The following MAST1 variants were observed in gnomAD, a reference collection of about 807,000 sequenced individuals.
MAST1 encodes microtubule associated serine/threonine kinase 1.
Under a neutral mutation model 124.6 loss-of-function variants are expected in MAST1, and 40 were observed. The observed-to-expected ratio is 0.32, with a 90% CI of 0.25 to 0.42. MAST1 has a LOEUF of 0.42. Ranked by LOEUF, MAST1 falls within the 10% of genes least tolerant of loss-of-function variation. MAST1 has a pLI of 1.00. For missense variants in MAST1, 1,558 were observed against 2,181.9 expected, an observed-to-expected ratio of 0.71 and a Z score of 5.70; for synonymous variants, 938 against 939.4, an observed-to-expected ratio of 1.00 and a Z score of 0.03.
In MAST1 at chr19:12,874,245, C is replaced by T; in HGVS notation, c.4088C>T (p.Pro1363Leu). The change falls in exon 26 of 26, where the codon CCG becomes CTG. Residue 1363 changes from proline to leucine, a missense_variant. Physicochemically the swap from Pro to Leu is moderately conservative, Grantham distance 98. This residue lies in a region of MAST1 where 263 missense variants were observed against 310.9 expected (regional missense o/e 0.85). Coordinates refer to ENST00000251472, the MANE Select transcript of MAST1 (RefSeq NM_014975.3). The surrounding 1 kb of genome is among the most constrained non-coding windows in gnomAD (Gnocchi z 6.6). Reference sequence around the variant, plus strand: ...GTGTCGAGCAAGGAGAAGGAATCCCCGGGGGGCGCCGAGGCGTGCACCCCA... The same window carrying T: ...GTGTCGAGCAAGGAGAAGGAATCCCTGGGGGGCGCCGAGGCGTGCACCCCA... ...PPVSSKEKES[P>L]GGAEACTPPR... 2 of 1,560,102 alleles carry T rather than the reference C, an allele frequency of 1.3e-6. No individual in the cohort carries two copies. The highest frequency in any genetic ancestry group is 1.7e-6 in the Non-Finnish European group (2 of 1,156,760).
chr19:12,874,005 G>T lies in MAST1; in HGVS notation c.3848G>T (p.Arg1283Leu), dbSNP rs149996147. ...SLSADKKGAL[R>L]KHSLEVGHPD... The stretch of plus-strand genomic sequence containing the variant: ...AGTGCGGACAAGAAGGGCGCGCTGC[G>T]CAAACACAGCCTCGAGGTGGGCCAC... The change falls in exon 26 of 26, where the codon CGC becomes CTC. Residue 1283 changes from arginine to leucine, a missense_variant. Around this residue, in one of 10 missense-constraint regions of MAST1, gnomAD observed 263 missense variants for 310.9 expected, o/e 0.85. Transcript: ENST00000251472. This position sits in a 1 kb window ranked among gnomAD's most constrained non-coding sequence, Gnocchi z 6.6. 23 of 1,604,994 alleles carry T rather than the reference G, an allele frequency of 1.4e-5. No homozygotes were observed. In the Admixed American group the frequency reaches 2.8e-4, roughly 20 times the overall value.
chr19:12,861,004 T>G (rs182835391), intron 12 of MAST1, among the ~76,000 whole-genome samples: 121 of 152,030 alleles, frequency 8.0e-4, no homozygotes, highest in African/African-American at 2.8e-3. Context: ...CCATGGAGAT[T>G]CCATTCTGGT....
In MAST1 at chr19:12,848,075, C is replaced by A; in HGVS notation, c.774+18C>A. 5.6e-6 allele frequency: 9 copies of A among 1,607,870 alleles called. 1 individual carries two copies. The South Asian group carries it at 1.0e-4, about 18-fold the overall frequency. On this transcript the variant is annotated intron_variant, in intron 7 of 25. Transcript: ENST00000251472. The stretch of plus-strand genomic sequence containing the variant: ...TTCAAGACGTGAGTGCACGCGGAGG[C>A]CGGGCTGATCTCAGGCTCAGCACCG...
At chr19:12,840,862 G>A (rs2145882647) in intron 2 of MAST1, 129 bp from the exon 3 acceptor site, 2 of 753,622 alleles carry the variant, frequency 2.7e-6, no homozygotes, top group South Asian at 2.9e-5. Flanking sequence ...GAGAGGCGGG[G>A]CCACAGGCGA....
Position 12,847,741 on chromosome 19 carries a change from T to C in MAST1, c.564+54T>C. 1 of 1,599,048 alleles carries C rather than the reference T, an allele frequency of 6.3e-7. No individual in the cohort carries two copies. The highest frequency in any genetic ancestry group is 8.5e-7 in the Non-Finnish European group (1 of 1,170,174). On this transcript the variant is annotated intron_variant, in intron 6 of 25. Coordinates refer to ENST00000251472, the MANE Select transcript of MAST1 (RefSeq NM_014975.3). The surrounding 1 kb of genome is among the most constrained non-coding windows in gnomAD (Gnocchi z 5.5). The stretch of plus-strand genomic sequence containing the variant: ...GTGACCAGGCGGCCTGCACTCTCGC[T>C]CGCCTTATCCCCGCGCGCCCCCTGG...
In MAST1 at chr19:12,847,728, C is replaced by T. The variant is rs752696703; in HGVS notation, c.564+41C>T. 5 of 1,604,638 alleles carry T rather than the reference C, an allele frequency of 3.1e-6. No homozygotes were observed. The highest frequency in any genetic ancestry group is 4.3e-6 in the Non-Finnish European group (5 of 1,173,798). On this transcript the variant is annotated intron_variant, in intron 6 of 25. Transcript: ENST00000251472. The surrounding 1 kb of genome is among the most constrained non-coding windows in gnomAD (Gnocchi z 5.5). ...AGGCGGTCACGGGGTGACCAGGCGGCCTGCACTCTCGCTCGCCTTATCCCC... is the reference window on the plus strand; with the variant it reads ...AGGCGGTCACGGGGTGACCAGGCGGTCTGCACTCTCGCTCGCCTTATCCCC...
At position 12,854,172 on chromosome 19, in the gene MAST1, G is replaced by A. The variant is rs1022342916; in HGVS notation, c.1077+1777G>A. Among the ~76,000 whole-genome samples the A allele has an allele frequency of 1.2e-3, 170 of 145,064 alleles. 1 individual carries two copies. The highest frequency in any genetic ancestry group is 3.5e-3 in the Middle Eastern group (1 of 288). ...GAATTTCACTCTTGTTGCCCAGGCT[G>A]GAGTGCAATGGCGTGATCTCGGCTC... On this transcript the variant is annotated intron_variant, in intron 10 of 25. Coordinates refer to ENST00000251472, the MANE Select transcript of MAST1 (RefSeq NM_014975.3).
intron 3 of MAST1, among the ~76,000 whole-genome samples, chr19:12,842,884 G>A (rs780588234): frequency 2.0e-5 from 3 of 152,144 alleles, no homozygotes; most frequent in African/African-American, 4.8e-5. Context: ...GGTCTTGCAC[G>A]CGTGATTGTG....
chr19:12,867,892 C>T lies in MAST1; in HGVS notation c.2481C>T (p.Ser827=), dbSNP rs750167982. The part of the protein sequence containing the change: ...ARLRRPPRPS[S]DPAGSLDARA... ...TGCGCAGGCCTCCCCGGCCCAGCTC[C>T]GACCCCGCGGGATCCCTGGATGCAC... is the stretch of plus-strand genomic sequence containing the variant. Residue 827 remains serine (S), a synonymous_variant, in exon 20 of 26, where the codon TCC becomes TCT. Transcript: ENST00000251472. The T allele has an allele frequency of 6.2e-7, 1 of 1,605,508 alleles. No homozygotes were observed. Among genetic ancestry groups the T allele is most frequent in the Non-Finnish European group, 8.5e-7 (1 of 1,176,860 alleles).
rs770490925 is a variant in MAST1, at chr19:12,867,725, T to C, written c.2319-5T>C. The C allele has an allele frequency of 2.7e-4, 418 of 1,531,292 alleles. No individual in the cohort carries two copies. Among genetic ancestry groups the C allele is most frequent in the Non-Finnish European group, 3.4e-4 (383 of 1,139,850 alleles). The allele number at this position is 1,531,292 out of a possible 1,614,324, so 94.9% of individuals were successfully genotyped here. ...GTCTTCCATAACCACGCCCCCTCCATGCAGCAAGCGATTCTCCGCGTCCGA... is the reference window on the plus strand; with the variant it reads ...GTCTTCCATAACCACGCCCCCTCCACGCAGCAAGCGATTCTCCGCGTCCGA... On this transcript the variant is annotated splice_region_variant and splice_polypyrimidine_tract_variant and intron_variant, in intron 19 of 25. Transcript: ENST00000251472.
chr19:12,850,497 A>G (rs1404564285), intron 7 of MAST1, among the ~76,000 whole-genome samples: 2 of 152,180 alleles, frequency 1.3e-5, no homozygotes, highest in Non-Finnish European at 2.9e-5. Flanking sequence ...AAAACCCAAC[A>G]TTATTTTAAG....
rs1457179819 is a variant in MAST1 at position 12,874,551 on chromosome 19, C to T, written c.4394C>T (p.Pro1465Leu). ...TCCAAGGGGTTGCAGGAACCCGCAC[C>T]CCTGGCGCCTTCCGTGCCCGAGGCC... The part of the protein sequence containing the change: ...ADSKGLQEPA[P>L]LAPSVPEAPR... Residue 1465 changes from proline (P) to leucine (L), a missense_variant, in exon 26 of 26, where the codon CCC becomes CTC. Pro to Leu is a moderately conservative substitution (Grantham distance 98, BLOSUM62 -3). This residue lies in a region of MAST1 where 168 missense variants were observed against 154.3 expected (regional missense o/e 1.09). Transcript: ENST00000251472. The surrounding 1 kb of genome is among the most constrained non-coding windows in gnomAD (Gnocchi z 6.6). The T allele has an allele frequency of 6.6e-7, 1 of 1,512,306 alleles. No homozygotes were observed. The highest frequency in any genetic ancestry group is 1.3e-5 in the South Asian group (1 of 76,048). The allele number at this position is 1,512,306 out of a possible 1,614,324, so 93.7% of individuals were successfully genotyped here. A position where few individuals can be genotyped will look rare whatever the true frequency, so the allele number is the denominator to read the frequency against.
Position 12,865,158 on chromosome 19 carries a change from C to G in MAST1, c.1618C>G (p.Arg540Gly). The part of the protein sequence containing the change: ...LYEGHIEKDA[R>G]EFLDKQVCGT... ...TGAAGGCCACATCGAGAAGGACGCCCGAGAGTTCCTGGACAAACAGGTGTG... is the reference window on the plus strand; with the variant it reads ...TGAAGGCCACATCGAGAAGGACGCCGGAGAGTTCCTGGACAAACAGGTGTG... The change falls in exon 14 of 26, where the codon CGA becomes GGA. Residue 540 changes from arginine (R) to glycine (G), a missense_variant. Around this residue, in one of 10 missense-constraint regions of MAST1, gnomAD observed 145 missense variants for 350.0 expected, o/e 0.41. Coordinates refer to ENST00000251472, the MANE Select transcript of MAST1 (RefSeq NM_014975.3). The surrounding 1 kb of genome is among the most constrained non-coding windows in gnomAD (Gnocchi z 7.1). 1 of 1,614,004 alleles carries G rather than the reference C, an allele frequency of 6.2e-7. No homozygotes were observed. Among genetic ancestry groups the G allele is most frequent in the Non-Finnish European group, 8.5e-7 (1 of 1,179,978 alleles).
rs1970176480 is a variant in MAST1, at chr19:12,867,842, C to G, written c.2431C>G (p.Gln811Glu). 3.1e-6 allele frequency: 5 copies of G among 1,604,000 alleles called. No homozygotes were observed. The highest frequency in any genetic ancestry group is 4.3e-6 in the Non-Finnish European group (5 of 1,175,916). The stretch of plus-strand genomic sequence containing the variant: ...GGAGCCCAGCCGCTTCAGCGCCCCC[C>G]AAGAGGACGAGGATGAGGCCCGGCT... Reference protein sequence around the residue: ...LLEPSRFSAPQEDEDEARLRR... With the variant: ...LLEPSRFSAPEEDEDEARLRR... The change falls in exon 20 of 26, where the codon CAA becomes GAA. Residue 811 changes from glutamine (Q) to glutamate (E), a missense_variant. Physicochemically the swap from Gln to Glu is conservative, Grantham distance 29. Transcript: ENST00000251472.
At chr19:12,840,367 A>T (rs1386976074) in intron 1 of MAST1, 79 bp from the exon 2 acceptor site, 7 of 878,134 alleles carry the variant, frequency 8.0e-6, no homozygotes, top group Non-Finnish European at 1.3e-5. Context: ...GGGATCTGAG[A>T]CAGGAGGTCA....
At chr19:12,854,401 G>C (rs1415613336) in intron 10 of MAST1, among the ~76,000 whole-genome samples, 1 of 152,162 alleles carries the variant, frequency 6.6e-6, no homozygotes, top group Non-Finnish European at 1.5e-5. Context: ...GCGATTACAG[G>C]CGTGAGCCAC....
At chr19:12,871,908 T>A (rs1174481412) in intron 24 of MAST1, among the ~76,000 whole-genome samples, 1 of 102,478 alleles carries the variant, frequency 9.8e-6, no homozygotes, top group Non-Finnish European at 1.8e-5. Context: ...AGAGCTAGAC[T>A]CTTTCAAAAA....
chr19:12,850,888 A>T (rs551619822), intron 7 of MAST1, among the ~76,000 whole-genome samples: 1 of 151,844 alleles, frequency 6.6e-6, no homozygotes, highest in East Asian at 1.9e-4. Context: ...TTGGCTTATG[A>T]TAGATTTTTG....
In MAST1 at chr19:12,873,618, C is replaced by T; in HGVS notation, c.3461C>T (p.Ser1154Phe). The change falls in exon 26 of 26, where the codon TCC (serine) becomes TTC (phenylalanine). Residue 1154 changes from serine to phenylalanine, a missense_variant. Coordinates refer to ENST00000251472, the MANE Select transcript of MAST1 (RefSeq NM_014975.3). ...CTCCTGTCTCCCGCAGGCGCCTCAT[C>T]CCAGAGCAGCTCCCCAGCCTCGAGC... The part of the protein sequence containing the change: ...TPDSAYLGAS[S>F]QSSSPASSTP... 6.3e-7 allele frequency: 1 copy of T among 1,587,650 alleles called. No individual in the cohort carries two copies. The highest frequency in any genetic ancestry group is 8.6e-7 in the Non-Finnish European group (1 of 1,169,498).
Sources: allele counts gnomAD v4.1 joint callset (sites outside exome capture counted in the v4.1 genomes callset), GRCh38; gene constraint gnomAD v4.1.1; regional missense constraint gnomAD v4.1.1; non-coding constraint Gnocchi (gnomAD v3.1); transcripts MANE v1.5; gene names NCBI Gene and HGNC (gene_info 2026-07-23, HGNC 2026-07-21).